NBPF20: variants seen among roughly 807,000 people sequenced by gnomAD.
The protein encoded by NBPF20 is NBPF family member NBPF20.
In NBPF20, 90 loss-of-function variants were observed where a neutral mutation model predicts 68.1. That is an observed-to-expected ratio of 1.32 (90% CI 1.11 to 1.58). The LOEUF is 1.58. NBPF20 is among the 40% of genes most tolerant of loss of function. NBPF20 has a pLI of 0.00. For synonymous variants in NBPF20, 290 were observed against 228.1 expected, an observed-to-expected ratio of 1.27 and a Z score of -2.45; for missense variants, 816 against 601.2, an observed-to-expected ratio of 1.36 and a Z score of -3.74.
the NBPF20 span, among the ~76,000 whole-genome samples, chr1:145,410,783 C>A: frequency 4.8e-4 from 60 of 124,130 alleles, no homozygotes; most frequent in African/African-American, 1.9e-3. Context: ...TATATATACA[C>A]ACACATATAT....
chr1:145,397,623 C>G (rs1158709110), intron 7 of NBPF20, among the ~76,000 whole-genome samples: 1 of 152,156 alleles, frequency 6.6e-6, no homozygotes, highest in Non-Finnish European at 1.5e-5. Flanking sequence ...CCAGCCACTA[C>G]AAAAACATGC....
intron 5 of NBPF20, among the ~76,000 whole-genome samples, 188 bp downstream of exon 10, chr1:145,400,871 G>A (rs1553665173): frequency 0.045 from 6,708 of 150,148 alleles, 520 homozygotes; most frequent in African/African-American, 0.16. Context: ...CGGTGCAGAC[G>A]TGACACTCGG....
Position 145,403,108 on chromosome 1 carries a change from C to T in NBPF20, c.278+108G>A, listed in dbSNP as rs1291245279. 33 of 1,229,978 alleles carry T rather than the reference C, an allele frequency of 2.7e-5. 1 individual carries two copies. The highest frequency in any genetic ancestry group is 1.4e-4 in the South Asian group (12 of 83,066). 76.2% of individuals were successfully genotyped at this position (1,229,978 alleles called of 1,614,324 possible). ...GTGTAGCGAGCCTGCCATGGCAATT[C>T]CTGCCCTTCCCCTGGCCCAGCTTAG... is the stretch of plus-strand genomic sequence containing the variant. On this transcript the variant is annotated intron_variant, in intron 3 of 137. Transcript: ENST00000369373.
At chr1:145,417,424 AC>A in the NBPF20 span, among the ~76,000 whole-genome samples, 2,946 of 143,496 alleles carry the variant, frequency 0.021, 56 homozygotes, top group African/African-American at 0.072. Flanking sequence ...TAGATACAAA[AC>A]CAAAAGCACA....
At chr1:145,292,475 C>T (rs781927595) in exon 137 of NBPF20, 2 of 716,696 alleles carry the variant, frequency 2.8e-6, no homozygotes, top group South Asian at 1.4e-5. Context: ...TTCCCCTTCC[C>T]CTTCTTTTCA....
intron 4 of NBPF20, 81 bp downstream of exon 9, chr1:145,402,086 A>T: frequency 9.9e-7 from 1 of 1,011,998 alleles, no homozygotes; most frequent in Non-Finnish European, 1.5e-6. Flanking sequence ...CATTGATACA[A>T]CTGTCATTGT....
chr1:145,290,525 T>C (rs1472155810), exon 138 of NBPF20: 156 of 145,686 alleles, frequency 1.1e-3, no homozygotes, highest in African/African-American at 4.2e-3. Flanking sequence ...TGACCTGTCC[T>C]CTATAAACAA....
chr1:145,394,462 G>C (rs1487332936), intron 8 of NBPF20, among the ~76,000 whole-genome samples: 1 of 152,096 alleles, frequency 6.6e-6, no homozygotes, highest in African/African-American at 2.4e-5. Context: ...ATGATGGACA[G>C]ATGAGCTAAA....
At chr1:145,409,512 C>T (rs2101606296), upstream of NBPF20, among the ~76,000 whole-genome samples, 1 of 148,350 alleles carries the variant, frequency 6.7e-6, no homozygotes, top group Non-Finnish European at 1.5e-5. Context: ...CTAGGTTTTT[C>T]CTGGGCCTTA....
At chr1:145,401,090 C>T in exon 5 of NBPF20, 1 of 1,608,430 alleles carries the variant, frequency 6.2e-7, no homozygotes, top group Non-Finnish European at 8.5e-7. Flanking sequence ...ACTTTCTCAG[C>T]CAACTCAACT....
chr1:145,397,919 G>T (rs1421119899), intron 7 of NBPF20, among the ~76,000 whole-genome samples: 57 of 152,098 alleles, frequency 3.7e-4, no homozygotes, highest in African/African-American at 1.3e-3. Flanking sequence ...AACAAAAAAA[G>T]GCAGGGGTTG....
intron 3 of NBPF20, 78 bp downstream of exon 8, chr1:145,403,138 T>C: frequency 1.3e-6 from 2 of 1,557,596 alleles, no homozygotes; most frequent in Non-Finnish European, 1.8e-6. Context: ...GCTTAGCTCT[T>C]ACGTCTCCCC....
At chr1:145,419,753 G>A in the NBPF20 span, among the ~76,000 whole-genome samples, 4 of 152,124 alleles carry the variant, frequency 2.6e-5, no homozygotes, top group African/African-American at 9.7e-5. Context: ...GGGTTCCATG[G>A]GGTAGTGACC....
chr1:145,311,856 C>T (rs1444077105), intron 112 of NBPF20, among the ~76,000 whole-genome samples: 6 of 110,736 alleles, frequency 5.4e-5, no homozygotes, highest in Non-Finnish European at 9.1e-5. Context: ...TTCACGGTAG[C>T]GAGGATTTTA....
At position 145,291,869 on chromosome 1, in the gene NBPF20, A is replaced by G. The variant is rs1661127151; in HGVS notation, c.16698-100T>C. On this transcript the variant is annotated intron_variant, in intron 137 of 137. Transcript: ENST00000369373. ...TCACATAAGGAAGTGGTTAGAAAAG[A>G]AAAAGGATAGATCCATTAATGAGGT... 6 of 1,603,542 alleles carry G rather than the reference A, an allele frequency of 3.7e-6. No individual in the cohort carries two copies. In the South Asian group the frequency reaches 5.6e-5, roughly 15 times the overall value.
At chr1:145,407,471 AAT>A (rs1178735966), upstream of NBPF20, among the ~76,000 whole-genome samples, 3 of 145,744 alleles carry the variant, frequency 2.1e-5, no homozygotes, top group African/African-American at 5.1e-5. Context: ...ACGTATATAT[AAT>A]ATATATACAA....
chr1:145,422,647 T>C, the NBPF20 span, among the ~76,000 whole-genome samples: 1 of 152,212 alleles, frequency 6.6e-6, no homozygotes, highest in East Asian at 1.9e-4. Context: ...AAAAGAATAG[T>C]CTTTTCAATA....
chr1:145,292,384 G>C, exon 137 of NBPF20: 3 of 679,700 alleles, frequency 4.4e-6, no homozygotes, highest in Non-Finnish European at 7.8e-6. Flanking sequence ...AAGTCACCTG[G>C]GGCATGGTGG....
chr1:145,395,004 T>G (rs1662154427), exon 8 of NBPF20: 2 of 1,611,762 alleles, frequency 1.2e-6, no homozygotes, highest in South Asian at 2.2e-5. Context: ...CATGCAGACT[T>G]GCTGTTCCTC....
Sources: allele counts gnomAD v4.1 joint callset (sites outside exome capture counted in the v4.1 genomes callset), GRCh38; gene constraint gnomAD v4.1.1; transcripts MANE v1.5; gene names NCBI Gene and HGNC (gene_info 2026-07-23, HGNC 2026-07-21).